Variants in ZNF385D observed in about 807,000 individuals in gnomAD.
ZNF385D encodes zinc finger protein 659.
In ZNF385D, 15 loss-of-function variants were observed where a neutral mutation model predicts 35.8. The ratio of observed to expected loss-of-function variants is 0.42; its 90% CI spans 0.28 to 0.64. ZNF385D has a LOEUF of 0.64. Ranked by LOEUF, ZNF385D falls within the 30% of genes least tolerant of loss-of-function variation. ZNF385D has a pLI of 0.23. For missense variants in ZNF385D, 474 were observed against 494.6 expected (o/e 0.96, Z 0.39); for synonymous variants, 212 against 186.8 (o/e 1.13, Z -1.10).
At chr3:22,144,679 A>G (rs1031731323) in intron 3 of ZNF385D, among the ~76,000 whole-genome samples, 1 of 151,776 alleles carries the variant, frequency 6.6e-6, no homozygotes, top group African/African-American at 2.4e-5. Flanking sequence ...TATCACCAAT[A>G]GTACATAGTG....
At chr3:21,627,035 G>A (rs1366708432) in intron 2 of ZNF385D, among the ~76,000 whole-genome samples, 2 of 150,964 alleles carry the variant, frequency 1.3e-5, no homozygotes, top group African/African-American at 4.9e-5. Context: ...ACTTTTTTTT[G>A]GACAATTTAG....
chr3:21,875,703 G>A (rs1164055016), intron 3 of ZNF385D, among the ~76,000 whole-genome samples: 5 of 152,054 alleles, frequency 3.3e-5, no homozygotes, highest in African/African-American at 9.7e-5. Flanking sequence ...ACCCAGGCCA[G>A]CCTTTGATAT....
intron 3 of ZNF385D, among the ~76,000 whole-genome samples, chr3:21,768,086 T>G (rs532895899): frequency 1.3e-5 from 2 of 152,164 alleles, no homozygotes; most frequent in African/African-American, 4.8e-5. Context: ...TAACAGATAT[T>G]AGGAGATAAC....
chr3:21,985,600 T>C (rs1694760265), intron 3 of ZNF385D, among the ~76,000 whole-genome samples: 2 of 140,538 alleles, frequency 1.4e-5, no homozygotes, highest in Admixed American at 6.9e-5. Context: ...TGCATCAATG[T>C]TCATCAAGGG....
intron 1 of ZNF385D, among the ~76,000 whole-genome samples, chr3:21,749,976 T>G (rs1014741724): frequency 1.4e-5 from 2 of 143,238 alleles, no homozygotes; most frequent in African/African-American, 5.2e-5. Context: ...TCCTAGCCCC[T>G]CTCCAGTTGC....
intron 2 of ZNF385D, among the ~76,000 whole-genome samples, chr3:21,583,842 A>G (rs1033552390): frequency 4.6e-5 from 7 of 150,796 alleles, no homozygotes; most frequent in African/African-American, 1.7e-4. Context: ...GGTTCCCTTC[A>G]TTTGAATCAG....
chr3:21,562,409 TCTGGAAATGGTAAGTGA>T (rs2062983855), intron 3 of ZNF385D, among the ~76,000 whole-genome samples: 1 of 152,052 alleles, frequency 6.6e-6, no homozygotes, highest in South Asian at 2.1e-4. Flanking sequence ...AGAACCACTG[TCTGGAAATGGTAAGTGA>T]CTCATCACTG....
At chr3:22,103,278 C>T (rs1013618139) in intron 3 of ZNF385D, among the ~76,000 whole-genome samples, 1 of 151,244 alleles carries the variant, frequency 6.6e-6, no homozygotes, top group Admixed American at 6.6e-5. Context: ...AGGGCAAGGG[C>T]CATATCTAAT....
At chr3:21,997,977 C>A (rs1339341081) in intron 3 of ZNF385D, among the ~76,000 whole-genome samples, 1 of 150,462 alleles carries the variant, frequency 6.6e-6, no homozygotes, top group African/African-American at 2.4e-5. Flanking sequence ...TTTTGATAAC[C>A]CTGCAGATCA....
intron 2 of ZNF385D, among the ~76,000 whole-genome samples, chr3:22,302,621 A>G (rs1702964881): frequency 6.6e-6 from 1 of 152,070 alleles, no homozygotes; most frequent in African/African-American, 2.4e-5. Flanking sequence ...AAAATTTTCA[A>G]TTCAGATGGG....
In ZNF385D at chr3:21,751,103, A is replaced by T; in HGVS notation, c.-187T>A. 1 of 1,480,882 alleles carries T rather than the reference A, an allele frequency of 6.8e-7. No homozygotes were observed. Among genetic ancestry groups the T allele is most frequent in the Non-Finnish European group, 9.0e-7 (1 of 1,114,704 alleles). 91.7% of individuals were successfully genotyped at this position (1,480,882 alleles called of 1,614,324 possible). Reference sequence around the variant, plus strand: ...TGCAGGCTGCCTTTCCAGGGCTAAGATCCCCGGCGGCTGGAGAGTGCGCTC... The same window carrying T: ...TGCAGGCTGCCTTTCCAGGGCTAAGTTCCCCGGCGGCTGGAGAGTGCGCTC... On this transcript the variant is annotated 5_prime_UTR_variant, in exon 1 of 8. Transcript: ENST00000281523.
At chr3:22,153,571 CT>C (rs1705403185) in intron 3 of ZNF385D, among the ~76,000 whole-genome samples, 1 of 148,812 alleles carries the variant, frequency 6.7e-6, no homozygotes, top group Non-Finnish European at 1.5e-5. Context: ...CCAAGCAATT[CT>C]TGTGTCTCAG....
intron 1 of ZNF385D, among the ~76,000 whole-genome samples, chr3:21,748,262 G>T (rs1366192404): frequency 1.3e-5 from 2 of 152,184 alleles, no homozygotes; most frequent in African/African-American, 4.8e-5. Flanking sequence ...CTTGAGATCT[G>T]AAAATATTAC....
At chr3:22,213,308 C>A (rs1033248256) in intron 2 of ZNF385D, among the ~76,000 whole-genome samples, 38 of 151,972 alleles carry the variant, frequency 2.5e-4, no homozygotes, top group African/African-American at 8.5e-4. Context: ...TTTATATTTA[C>A]AACCATTTAA....
chr3:21,668,268 A>G (rs947334411), intron 1 of ZNF385D, among the ~76,000 whole-genome samples: 3 of 152,136 alleles, frequency 2.0e-5, no homozygotes, highest in African/African-American at 7.2e-5. Context: ...GCCCCAAGCA[A>G]TGACTGATTC....
At chr3:21,842,037 A>G (rs1406024684) in intron 3 of ZNF385D, among the ~76,000 whole-genome samples, 1 of 151,952 alleles carries the variant, frequency 6.6e-6, no homozygotes, top group East Asian at 1.9e-4. Context: ...TTGAAAATGT[A>G]TTTGTATAAT....
chr3:22,358,447 T>C (rs989626625), intron 2 of ZNF385D, among the ~76,000 whole-genome samples: 3 of 151,832 alleles, frequency 2.0e-5, no homozygotes, highest in African/African-American at 4.8e-5. Flanking sequence ...AAGTAGCAGC[T>C]TGAAGAAAGT....
chr3:21,825,291 T>A (rs894875064), intron 3 of ZNF385D, among the ~76,000 whole-genome samples: 2 of 152,210 alleles, frequency 1.3e-5, no homozygotes, highest in Non-Finnish European at 2.9e-5. Flanking sequence ...AACTCATGTA[T>A]CACTTGTTTT....
intron 1 of ZNF385D, among the ~76,000 whole-genome samples, chr3:21,690,503 C>A (rs2067246149): frequency 6.6e-6 from 1 of 152,180 alleles, no homozygotes; most frequent in African/African-American, 2.4e-5. Flanking sequence ...AACTTAACTT[C>A]TTAATTTTAC....
Sources: gnomAD v4.1 joint callset for allele counts (sites outside exome capture counted in the v4.1 genomes callset) on GRCh38, gnomAD v4.1.1 for gene constraint, MANE v1.5 for transcripts, NCBI Gene and HGNC (gene_info 2026-07-23, HGNC 2026-07-21) for gene names.